The following DPP6 variants were observed in gnomAD, a reference collection of about 807,000 sequenced individuals.
The protein encoded by DPP6 is dipeptidyl peptidase like 6, also known as A-type potassium channel modulatory protein DPP6.
Under a neutral mutation model 122.6 loss-of-function variants are expected in DPP6, and 69 were observed. The ratio of observed to expected loss-of-function variants is 0.56; its 90% CI spans 0.46 to 0.69. The LOEUF (loss-of-function observed/expected upper bound fraction) is 0.69. DPP6 is among the 30% of genes least tolerant of loss of function. The pLI is 0.00. For missense variants in DPP6, 928 were observed against 1,116.9 expected, an observed-to-expected ratio of 0.83 and a Z score of 2.41; for synonymous variants, 418 against 433.1, an observed-to-expected ratio of 0.97 and a Z score of 0.43.
chr7:154,063,719 A>C (rs916463400), intron 1 of DPP6, among the ~76,000 whole-genome samples: 3 of 149,334 alleles, frequency 2.0e-5, no homozygotes, highest in African/African-American at 7.5e-5. Flanking sequence ...ACTGAGAGCC[A>C]GCCCCTCTTC....
At chr7:154,692,717 C>T (rs745805600) in intron 7 of DPP6, among the ~76,000 whole-genome samples, 9 of 151,992 alleles carry the variant, frequency 5.9e-5, no homozygotes, top group Non-Finnish European at 1.3e-4. Flanking sequence ...GCACTGAAAG[C>T]GCATCTACCC....
In DPP6 at chr7:154,821,659, TATATAC is replaced by T. The variant is rs1563249245; in HGVS notation, c.1666+14549_1666+14554del. Among the ~76,000 whole-genome samples, 601 of 143,828 alleles carry T rather than the reference TATATAC, an allele frequency of 4.2e-3. 7 individuals are homozygous for T. Among genetic ancestry groups the T allele is most frequent in the African/African-American group, 0.016 (582 of 37,112 alleles). 94.4% of individuals were successfully genotyped at this position (143,828 alleles called of 152,430 possible). On this transcript the variant is annotated intron_variant, in intron 16 of 25. Transcript: ENST00000377770. The surrounding 1 kb of genome is among the most constrained non-coding windows in gnomAD (Gnocchi z 4.2). The stretch of plus-strand genomic sequence containing the variant: ...ATATATATATATACACATATATATA[TATATAC>T]ACATATATATATACACACACATATA...
At chr7:154,534,016 C>T (rs1184613755) in intron 3 of DPP6, among the ~76,000 whole-genome samples, 1 of 151,326 alleles carries the variant, frequency 6.6e-6, no homozygotes, top group Non-Finnish European at 1.5e-5. Flanking sequence ...AAAATCAATA[C>T]TATATAAAAC....
At chr7:154,744,472 T>C (rs1296743904) in intron 8 of DPP6, among the ~76,000 whole-genome samples, 1 of 152,092 alleles carries the variant, frequency 6.6e-6, no homozygotes, top group Non-Finnish European at 1.5e-5. Context: ...CCCCCCACGG[T>C]GTTGATTTGT....
intron 1 of DPP6, among the ~76,000 whole-genome samples, chr7:154,414,174 A>C (rs1166704141): frequency 2.0e-5 from 3 of 152,172 alleles, no homozygotes; most frequent in African/African-American, 7.2e-5. Flanking sequence ...TTGGCTTCCA[A>C]TTTTTGTGTA....
chr7:154,527,979 T>A (rs1056391874), intron 3 of DPP6, among the ~76,000 whole-genome samples: 1 of 151,628 alleles, frequency 6.6e-6, no homozygotes, highest in Non-Finnish European at 1.5e-5. Context: ...TTGTTATTGT[T>A]ATATCAGTTT....
At chr7:154,734,051 G>A (rs1258884018) in intron 8 of DPP6, among the ~76,000 whole-genome samples, 2 of 152,234 alleles carry the variant, frequency 1.3e-5, no homozygotes, top group African/African-American at 2.4e-5. Context: ...TCAGTGAATA[G>A]CGGCAGCCTT....
chr7:154,753,109 G>C (rs528963142), intron 8 of DPP6, among the ~76,000 whole-genome samples: 1 of 152,090 alleles, frequency 6.6e-6, no homozygotes, highest in Non-Finnish European at 1.5e-5. Context: ...CTTCTCTTCC[G>C]AGACCTTCAC....
At chr7:154,223,476 G>A (rs1427755988) in intron 1 of DPP6, among the ~76,000 whole-genome samples, 1 of 149,420 alleles carries the variant, frequency 6.7e-6, no homozygotes, top group Non-Finnish European at 1.5e-5. Flanking sequence ...CACACTCTCT[G>A]AAACCTAGGA....
intron 1 of DPP6, among the ~76,000 whole-genome samples, chr7:154,096,546 A>G (rs1805335271): frequency 6.6e-6 from 1 of 151,750 alleles, no homozygotes; most frequent in Non-Finnish European, 1.5e-5. Flanking sequence ...AAAGTAAAAC[A>G]TTTTAAATCT....
At chr7:154,614,924 G>A (rs1834138294) in intron 5 of DPP6, among the ~76,000 whole-genome samples, 1 of 152,172 alleles carries the variant, frequency 6.6e-6, no homozygotes, top group African/African-American at 2.4e-5. Context: ...CTTCCCTCAT[G>A]GGACCGCTGT....
chr7:154,180,507 TAA>T (rs958099240), intron 1 of DPP6, among the ~76,000 whole-genome samples: 1 of 142,332 alleles, frequency 7.0e-6, no homozygotes, highest in African/African-American at 2.7e-5. Flanking sequence ...GATATATAAA[TAA>T]ATATATATAA....
intron 1 of DPP6, among the ~76,000 whole-genome samples, chr7:154,306,028 G>A (rs1435952613): frequency 6.6e-6 from 1 of 152,176 alleles, no homozygotes; most frequent in East Asian, 1.9e-4. Flanking sequence ...CAAAGAAAAT[G>A]AGCTTACTGA....
At chr7:154,187,466 G>C (rs1336784902) in intron 1 of DPP6, among the ~76,000 whole-genome samples, 1 of 152,168 alleles carries the variant, frequency 6.6e-6, no homozygotes, top group East Asian at 1.9e-4. Flanking sequence ...ACTGTATAAA[G>C]CCATTTAATT....
chr7:153,764,635 A>G, the DPP6 span, among the ~76,000 whole-genome samples: 1 of 151,570 alleles, frequency 6.6e-6, no homozygotes, highest in African/African-American at 2.4e-5. Context: ...CCTCACATAG[A>G]ATGTTGGAAG....
chr7:154,612,165 C>T (rs917335987), intron 5 of DPP6, among the ~76,000 whole-genome samples: 1 of 152,168 alleles, frequency 6.6e-6, no homozygotes, highest in Non-Finnish European at 1.5e-5. Flanking sequence ...AGCCTCCAGA[C>T]CTGCGAGCCA....
intron 1 of DPP6, among the ~76,000 whole-genome samples, chr7:154,365,979 A>G (rs982146685): frequency 1.1e-4 from 17 of 149,308 alleles, no homozygotes; most frequent in African/African-American, 3.2e-4. Flanking sequence ...AAAAAAAAAA[A>G]GTGGGGAAGG....
chr7:154,868,153 C>T, intron 18 of DPP6, 60 bp downstream of exon 18: 2 of 1,539,126 alleles, frequency 1.3e-6, no homozygotes, highest in Non-Finnish European at 1.8e-6. Flanking sequence ...GGCTGTGACA[C>T]AGTGCAGTCA....
intron 1 of DPP6, among the ~76,000 whole-genome samples, chr7:154,302,008 G>A (rs1183810771): frequency 2.0e-5 from 3 of 151,990 alleles, no homozygotes; most frequent in East Asian, 3.9e-4. Context: ...TAGCAGAGAC[G>A]GGGTTTCACC....
Sources: gnomAD v4.1 joint callset for allele counts (sites outside exome capture counted in the v4.1 genomes callset) on GRCh38, gnomAD v4.1.1 for gene constraint, Gnocchi (gnomAD v3.1) non-coding constraint, MANE v1.5 for transcripts, NCBI Gene and HGNC (gene_info 2026-07-23, HGNC 2026-07-21) for gene names.